AGTPBP1: variants seen among roughly 807,000 people sequenced by gnomAD.
AGTPBP1 encodes the protein ATP/GTP binding carboxypeptidase 1.
AGTPBP1 carries 70 observed loss-of-function variants against 143.9 expected under a neutral mutation model. The ratio of observed to expected loss-of-function variants is 0.49; its 90% CI spans 0.40 to 0.59. The LOEUF (loss-of-function observed/expected upper bound fraction) is 0.59. AGTPBP1 is among the 20% of genes least tolerant of loss of function. The pLI, the probability that AGTPBP1 is intolerant of heterozygous loss-of-function variation, is 0.00. For synonymous variants in AGTPBP1, 463 were observed against 500.2 expected (o/e 0.93, Z 0.99); for missense variants, 1,229 against 1,464.5 (o/e 0.84, Z 2.62).
intron 13 of AGTPBP1, among the ~76,000 whole-genome samples, chr9:85,637,040 G>GT (rs36101581): frequency 0.18 from 22,855 of 126,466 alleles, 2,006 homozygotes; most frequent in Non-Finnish European, 0.22. Flanking sequence ...TCCCCAAAAA[G>GT]TTTTTTTTTT....
At chr9:85,733,221 T>TA (rs1839005532) in intron 1 of AGTPBP1, among the ~76,000 whole-genome samples, 1 of 152,216 alleles carries the variant, frequency 6.6e-6, no homozygotes, top group Non-Finnish European at 1.5e-5. Flanking sequence ...ACAGGCCACA[T>TA]ATTAGGATAC....
At chr9:85,700,099 T>C (rs1037635559) in intron 2 of AGTPBP1, among the ~76,000 whole-genome samples, 5 of 152,182 alleles carry the variant, frequency 3.3e-5, no homozygotes, top group South Asian at 2.1e-4. Context: ...CAGCACTTTA[T>C]ACTCATGAGA....
chr9:85,692,272 ATTTT>A (rs1255296569), intron 3 of AGTPBP1, among the ~76,000 whole-genome samples: 1 of 135,812 alleles, frequency 7.4e-6, no homozygotes, highest in Non-Finnish European at 1.6e-5. Flanking sequence ...AGAAAGTTTG[ATTTT>A]TTTTTTTTTT....
the AGTPBP1 span, among the ~76,000 whole-genome samples, chr9:85,783,527 A>G: frequency 7.2e-5 from 11 of 152,364 alleles, no homozygotes; most frequent in Admixed American, 3.3e-4. Context: ...TGTTTGAATT[A>G]TAAAATATAG....
intron 3 of AGTPBP1, among the ~76,000 whole-genome samples, chr9:85,691,701 T>C (rs1835889128): frequency 6.6e-6 from 1 of 152,176 alleles, no homozygotes; most frequent in African/African-American, 2.4e-5. Context: ...TCCTGAAATG[T>C]GTTCTTTAAC....
chr9:85,798,362 C>T, the AGTPBP1 span, among the ~76,000 whole-genome samples: 2 of 119,266 alleles, frequency 1.7e-5, no homozygotes, highest in African/African-American at 3.0e-5. Context: ...CCTCCAAGTT[C>T]TTTTTTTTTT....
chr9:85,681,836 G>A (rs148933603), intron 3 of AGTPBP1, among the ~76,000 whole-genome samples: 1,517 of 132,704 alleles, frequency 0.011, 32 homozygotes, highest in African/African-American at 0.041. Flanking sequence ...TACAACCTCC[G>A]CCTCCCGGGT....
intron 2 of AGTPBP1, among the ~76,000 whole-genome samples, chr9:85,695,650 G>C (rs969162703): frequency 6.6e-6 from 1 of 152,076 alleles, no homozygotes; most frequent in Non-Finnish European, 1.5e-5. Context: ...AATATTCTGT[G>C]TGCATAAAAT....
At chr9:85,647,147 C>T (rs1368183312) in intron 11 of AGTPBP1, among the ~76,000 whole-genome samples, 3 of 152,120 alleles carry the variant, frequency 2.0e-5, no homozygotes, top group Non-Finnish European at 4.4e-5. Flanking sequence ...CATGGTGGTG[C>T]ATGCCTGTAA....
Position 85,626,700 on chromosome 9 carries a change from C to T in AGTPBP1, c.2016-5415G>A, listed in dbSNP as rs78230795. ...TCAGCAAACTTCTCCTACAAAGAGC[C>T]AGATAGGCTTTGCAGGCCACATGAC... On this transcript the variant is annotated intron_variant, in intron 14 of 25. Coordinates refer to ENST00000357081, the MANE Select transcript of AGTPBP1 (RefSeq NM_001330701.2). Among the ~76,000 whole-genome samples, 625 of 152,200 alleles carry T rather than the reference C, an allele frequency of 4.1e-3. 15 individuals carry two copies. The highest frequency in any genetic ancestry group is 0.028 in the Admixed American group (427 of 15,286).
chr9:85,721,921 C>T (rs1394034446), intron 1 of AGTPBP1, among the ~76,000 whole-genome samples: 14 of 152,156 alleles, frequency 9.2e-5, no homozygotes, highest in Non-Finnish European at 1.5e-5. Context: ...ATTTCTCCTT[C>T]ACTTATAAAG....
chr9:85,648,058 GCA>G lies in AGTPBP1; in HGVS notation c.1088-1642_1088-1641del, dbSNP rs1174087433. Among the ~76,000 whole-genome samples the G allele has an allele frequency of 7.2e-5, 11 of 152,294 alleles. No homozygotes were observed. In the East Asian group the frequency reaches 2.1e-3, roughly 29 times the overall value. ...AAAAATTCCATGTTGTAGCAGGATA[GCA>G]CAGGGGTTCTAGAAACAGAATACCT... On this transcript the variant is annotated intron_variant, in intron 11 of 25. Transcript: ENST00000357081.
At chr9:85,741,328 T>C in intron 1 of AGTPBP1, 1 of 985,334 alleles carries the variant, frequency 1.0e-6, no homozygotes, top group Non-Finnish European at 1.2e-6. Flanking sequence ...GGCCCGCGAT[T>C]CAGCGGCCCG....
rs767902212 is a variant in AGTPBP1, at chr9:85,588,396, T to G, written c.2805A>C (p.Glu935Asp). 6.2e-7 allele frequency: 1 copy of G among 1,613,614 alleles called. No homozygotes were observed. Among genetic ancestry groups the G allele is most frequent in the South Asian group, 1.1e-5 (1 of 91,024 alleles). ...NASWVMKGTL[E>D]YLMSNNPTAQ... ...CAGTGGGGTTATTGCTCATGAGATATTCCAACGTTCCTTTCATAACCCAAC... is the reference window on the plus strand; with the variant it reads ...CAGTGGGGTTATTGCTCATGAGATAGTCCAACGTTCCTTTCATAACCCAAC... Residue 935 changes from glutamate (E) to aspartate (D), a missense_variant, in exon 21 of 26, where the codon GAA (glutamate) becomes GAC (aspartate). Around this residue, in one of 2 missense-constraint regions of AGTPBP1, gnomAD observed 486 missense variants for 652.3 expected, o/e 0.75. Coordinates refer to ENST00000357081, the MANE Select transcript of AGTPBP1 (RefSeq NM_001330701.2).
intron 14 of AGTPBP1, among the ~76,000 whole-genome samples, chr9:85,628,340 T>G (rs541302668): frequency 6.6e-6 from 1 of 152,158 alleles, no homozygotes; most frequent in Non-Finnish European, 1.5e-5. Flanking sequence ...CACAGAAATG[T>G]TGGCAAATAT....
intron 2 of AGTPBP1, among the ~76,000 whole-genome samples, chr9:85,699,967 G>A (rs1836536666): frequency 1.3e-5 from 2 of 152,174 alleles, no homozygotes; most frequent in Admixed American, 6.5e-5. Context: ...AGAGAGAAGA[G>A]CGGCAGTGTT....
chr9:85,789,738 T>C, the AGTPBP1 span, among the ~76,000 whole-genome samples: 1 of 152,216 alleles, frequency 6.6e-6, no homozygotes, highest in Non-Finnish European at 1.5e-5. Flanking sequence ...AGATTGCCAC[T>C]AGCCATTGCC....
rs1042014694 is a variant in AGTPBP1, at chr9:85,577,508, C to A, written c.3342+1412G>T. 3.3e-5 allele frequency among the ~76,000 whole-genome samples: 5 copies of A among 152,256 alleles called. 2 individuals are homozygous for A. The South Asian group carries it at 8.3e-4, about 25-fold the overall frequency. The stretch of plus-strand genomic sequence containing the variant: ...GGAAGCTGGAGTGGTGCTAAAGCTG[C>A]ATTTTCTCTCTCACCACCACCATGC... On this transcript the variant is annotated intron_variant, in intron 24 of 25. Coordinates refer to ENST00000357081, the MANE Select transcript of AGTPBP1 (RefSeq NM_001330701.2).
chr9:85,575,458 G>A lies in AGTPBP1; in HGVS notation c.3360C>T (p.Thr1120=), dbSNP rs1277173019. 6.2e-7 allele frequency: 1 copy of A among 1,604,934 alleles called. No individual in the cohort carries two copies. The highest frequency in any genetic ancestry group is 8.5e-7 in the Non-Finnish European group (1 of 1,177,726). The change falls in exon 25 of 26, where the codon ACC becomes ACT. Residue 1120 remains threonine (T), a synonymous_variant. Coordinates refer to ENST00000357081, the MANE Select transcript of AGTPBP1 (RefSeq NM_001330701.2). ...QGKYKGLQIG[T]RELEEMGAKF... ...TTGCTCCCATCTCTTCCAGTTCTCG[G>A]GTACCAATCTGTAAACCCTTGAAAT...
Sources: gnomAD v4.1 joint callset for allele counts (sites outside exome capture counted in the v4.1 genomes callset) on GRCh38, gnomAD v4.1.1 for gene constraint, gnomAD v4.1.1 regional missense constraint, MANE v1.5 for transcripts, NCBI Gene and HGNC (gene_info 2026-07-23, HGNC 2026-07-21) for gene names.